The following PCBP3 variants were observed in gnomAD, a reference collection of about 807,000 sequenced individuals.
PCBP3 encodes poly(rC)-binding protein 3.
Under a neutral mutation model 52.7 loss-of-function variants are expected in PCBP3, and 25 were observed. That is an observed-to-expected ratio of 0.47 (90% CI 0.35 to 0.66). The LOEUF is 0.66. Among genes scored for constraint, PCBP3 ranks in the 30% least tolerant of loss-of-function variants. The probability of loss-of-function intolerance (pLI) is 0.01; values close to 1 mark genes in which losing one functional copy is unlikely to be tolerated. For synonymous variants in PCBP3, 162 were observed against 183.0 expected (o/e 0.89, Z 0.93); for missense variants, 391 against 490.3 (o/e 0.80, Z 1.91).
Position 45,802,096 on chromosome 21 carries a change from G to T in PCBP3, c.-126+46644G>T, listed in dbSNP as rs1367868719. Among the ~76,000 whole-genome samples, 1 of 152,162 alleles carries T rather than the reference G, an allele frequency of 6.6e-6. No individual in the cohort carries two copies. The highest frequency in any genetic ancestry group is 2.1e-4 in the South Asian group (1 of 4,826). On this transcript the variant is annotated intron_variant, in intron 4 of 17. Transcript: ENST00000681687. This position sits in a 1 kb window ranked among gnomAD's most constrained non-coding sequence, Gnocchi z 5.1. The stretch of plus-strand genomic sequence containing the variant: ...ACTTCTGGGCTGGGTGGTTAGCGGG[G>T]CTCCCTCCTTTACCCTCAGACCCCT...
At chr21:45,720,228 C>T (rs913154499) in intron 2 of PCBP3, among the ~76,000 whole-genome samples, 1 of 151,608 alleles carries the variant, frequency 6.6e-6, no homozygotes, top group African/African-American at 2.4e-5. Context: ...TTACCCCCGA[C>T]CCCCTGACAG....
At chr21:45,754,534 T>C (rs577379502) in intron 3 of PCBP3, among the ~76,000 whole-genome samples, 1 of 152,336 alleles carries the variant, frequency 6.6e-6, no homozygotes, top group East Asian at 1.9e-4. Context: ...TATTCCCTGT[T>C]GATATAGCTA....
At chr21:45,811,350 G>C (rs1169572961) in intron 4 of PCBP3, among the ~76,000 whole-genome samples, 1 of 152,240 alleles carries the variant, frequency 6.6e-6, no homozygotes, top group Non-Finnish European at 1.5e-5. Flanking sequence ...GCCTCTTCCA[G>C]ATTCTAGAAG....
chr21:45,783,965 T>C lies in PCBP3; in HGVS notation c.-126+28513T>C, dbSNP rs946035436. ...AGAACTCAGACTCACTGAAAATGGT[T>C]GCAGTTTTATAGTTTTAAAACAGTA... is the stretch of plus-strand genomic sequence containing the variant. On this transcript the variant is annotated intron_variant, in intron 4 of 17. Coordinates refer to ENST00000681687, the MANE Select transcript of PCBP3 (RefSeq NM_001384156.1). Among the ~76,000 whole-genome samples, 15 of 152,346 alleles carry C rather than the reference T, an allele frequency of 9.8e-5. 1 individual carries two copies. In the South Asian group the frequency reaches 3.1e-3, roughly 32 times the overall value.
At chr21:45,900,965 AG>A (rs757139463) in intron 8 of PCBP3, 31 bp from the exon 9 acceptor site, 1 of 1,521,912 alleles carries the variant, frequency 6.6e-7, no homozygotes, top group Non-Finnish European at 9.1e-7. Flanking sequence ...GGTTTTAATC[AG>A]GTCGCTGGGG....
rs1219819984 is a variant in PCBP3, at chr21:45,735,835, G to A, written c.-162+406G>A. Among the ~76,000 whole-genome samples, 3 of 152,172 alleles carry A rather than the reference G, an allele frequency of 2.0e-5. No homozygotes were observed. Among genetic ancestry groups the A allele is most frequent in the African/African-American group, 4.8e-5 (2 of 41,430 alleles). ...CTTGTGCCAACAGTGCCCACTGCCC[G>A]GTAGTGCCTGTGTGTGCGGTGGCCA... On this transcript the variant is annotated intron_variant, in intron 3 of 17. Transcript: ENST00000681687. The surrounding 1 kb of genome is among the most constrained non-coding windows in gnomAD (Gnocchi z 4.0).
At chr21:45,797,045 G>A (rs1206597523) in intron 4 of PCBP3, among the ~76,000 whole-genome samples, 1 of 152,228 alleles carries the variant, frequency 6.6e-6, no homozygotes. Flanking sequence ...CTCATGTTCT[G>A]ATTTTGATCA....
intron 4 of PCBP3, among the ~76,000 whole-genome samples, chr21:45,840,296 A>C (rs1569295145): frequency 6.6e-6 from 1 of 151,332 alleles, no homozygotes; most frequent in Non-Finnish European, 1.5e-5. Context: ...ACTAAAAAAA[A>C]ATTTTAAAAA....
intron 2 of PCBP3, among the ~76,000 whole-genome samples, chr21:45,702,306 T>G (rs1224105360): frequency 6.6e-6 from 1 of 152,194 alleles, no homozygotes; most frequent in Non-Finnish European, 1.5e-5. Flanking sequence ...TTCACTGAGT[T>G]ATGAAGATTT....
chr21:45,771,797 A>C (rs1301668126), intron 4 of PCBP3, among the ~76,000 whole-genome samples: 1 of 152,204 alleles, frequency 6.6e-6, no homozygotes, highest in Non-Finnish European at 1.5e-5. Flanking sequence ...ATTGAAAAAG[A>C]AGAAGTAAAA....
intron 5 of PCBP3, chr21:45,894,158 C>T (rs974080089): frequency 3.9e-5 from 15 of 384,932 alleles, no homozygotes; most frequent in African/African-American, 2.4e-4. Context: ...GTGACCCGCA[C>T]GGCACAGGAT....
intron 11 of PCBP3, among the ~76,000 whole-genome samples, chr21:45,913,153 C>G (rs1416368389): frequency 1.3e-5 from 2 of 152,228 alleles, no homozygotes; most frequent in African/African-American, 4.8e-5. Context: ...ACAGGGGACT[C>G]ACCCAGGAGA....
At chr21:45,720,975 A>G (rs1324829837) in intron 2 of PCBP3, among the ~76,000 whole-genome samples, 13 of 152,212 alleles carry the variant, frequency 8.5e-5, no homozygotes, top group Admixed American at 7.2e-4. Context: ...TTCAGCTGCC[A>G]CTTTGTGCTG....
In PCBP3 at chr21:45,930,923, C is replaced by G. The variant is rs2076096871; in HGVS notation, c.856+78C>G. 4.4e-5 allele frequency: 69 copies of G among 1,585,062 alleles called. 1 individual carries two copies. In the South Asian group the frequency reaches 7.1e-4, roughly 16 times the overall value. On this transcript the variant is annotated intron_variant, in intron 15 of 17. Transcript: ENST00000681687. ...CCCAGTGGGAGGAGGTGTGGGGGCC[C>G]TGCCGCTGCAGCAGTTTCCAGCTTC...
chr21:45,719,681 G>A (rs1040768364), intron 2 of PCBP3, among the ~76,000 whole-genome samples: 6 of 152,096 alleles, frequency 3.9e-5, no homozygotes, highest in African/African-American at 1.2e-4. Context: ...GCCTTCTGCC[G>A]TGATTGTAAG....
At chr21:45,927,112 A>G (rs999650583) in intron 13 of PCBP3, among the ~76,000 whole-genome samples, 2 of 152,090 alleles carry the variant, frequency 1.3e-5, no homozygotes, top group East Asian at 1.9e-4. Flanking sequence ...TGATAGTTGT[A>G]TGGGTGCATT....
intron 4 of PCBP3, among the ~76,000 whole-genome samples, chr21:45,764,288 A>G (rs1331377965): frequency 1.3e-5 from 2 of 151,868 alleles, no homozygotes; most frequent in Non-Finnish European, 2.9e-5. Context: ...ACGCCCGGCT[A>G]ATTATGTATT....
chr21:45,670,341 A>C (rs2081094349), intron 2 of PCBP3, among the ~76,000 whole-genome samples: 1 of 152,174 alleles, frequency 6.6e-6, no homozygotes, highest in Non-Finnish European at 1.5e-5. Flanking sequence ...TAGTTGTTAA[A>C]ATAGACTATG....
chr21:45,867,474 C>G (rs2094789048), intron 5 of PCBP3, among the ~76,000 whole-genome samples: 1 of 152,260 alleles, frequency 6.6e-6, no homozygotes, highest in Non-Finnish European at 1.5e-5. Context: ...CCTGCTACCC[C>G]TGCTACCCGC....
Sources: allele counts gnomAD v4.1 joint callset (sites outside exome capture counted in the v4.1 genomes callset), GRCh38; gene constraint gnomAD v4.1.1; non-coding constraint Gnocchi (gnomAD v3.1); transcripts MANE v1.5; gene names NCBI Gene and HGNC (gene_info 2026-07-23, HGNC 2026-07-21).